Variants in SSU72 observed in about 807,000 individuals in gnomAD.
SSU72 encodes the protein SSU72 homolog, RNA polymerase II CTD phosphatase.
A neutral mutation model predicts 22.7 loss-of-function variants in SSU72; 12 were observed. The observed-to-expected ratio is 0.53, with a 90% CI of 0.34 to 0.86. SSU72 has a LOEUF of 0.86. Among genes scored for constraint, SSU72 ranks in the 40% least tolerant of loss-of-function variants. SSU72 has a pLI of 0.02. For synonymous variants in SSU72, 116 were observed against 98.3 expected, an observed-to-expected ratio of 1.18 and a Z score of -1.06; for missense variants, 151 against 249.8, an observed-to-expected ratio of 0.60 and a Z score of 2.67.
intron 1 of SSU72, among the ~76,000 whole-genome samples, chr1:1,571,794 A>ATT (rs71578326): frequency 5.4e-4 from 81 of 149,272 alleles, no homozygotes; most frequent in African/African-American, 1.5e-3. Flanking sequence ...TAGCTAAATA[A>ATT]TTTTTTTTTT....
At chr1:1,552,368 C>G (rs1038658194) in intron 2 of SSU72, among the ~76,000 whole-genome samples, 1 of 152,256 alleles carries the variant, frequency 6.6e-6, no homozygotes, top group East Asian at 1.9e-4. Context: ...TCCTTAGGGA[C>G]CGGGAGGTGC....
chr1:1,555,695 AC>A (rs1237115396), intron 2 of SSU72, among the ~76,000 whole-genome samples: 2 of 152,208 alleles, frequency 1.3e-5, no homozygotes, highest in Admixed American at 6.5e-5. Flanking sequence ...TTCCATGTCA[AC>A]GTATCAAGAA....
intron 2 of SSU72, among the ~76,000 whole-genome samples, chr1:1,560,491 T>A (rs1642575684): frequency 6.6e-6 from 1 of 152,056 alleles, no homozygotes. Flanking sequence ...ACCCTGACAA[T>A]CCCCAAGGGA....
intron 2 of SSU72, chr1:1,564,500 G>T: frequency 2.0e-6 from 3 of 1,504,368 alleles, no homozygotes; most frequent in Non-Finnish European, 1.8e-6. Context: ...AGCATCCCTG[G>T]TCTACGCTAT....
At chr1:1,571,929 G>A (rs965805511) in intron 1 of SSU72, among the ~76,000 whole-genome samples, 3 of 151,392 alleles carry the variant, frequency 2.0e-5, no homozygotes, top group African/African-American at 7.3e-5. Context: ...TGAGCAGCTG[G>A]GACTACAGGC....
rs1642789788 is a variant in SSU72 at position 1,574,683 on chromosome 1, G to A, written c.-126C>T. 10 of 961,384 alleles carry A rather than the reference G, an allele frequency of 1.0e-5. No individual in the cohort carries two copies. Among genetic ancestry groups the A allele is most frequent in the East Asian group, 3.4e-5 (1 of 29,364 alleles). The allele number at this position is 961,384 out of a possible 1,614,324, so 59.6% of individuals were successfully genotyped here. ...GACGCGAAACGACGGCGCCGGCGGT[G>A]TAGCGTGCGGCGACTGCGCGGCGGC... On this transcript the variant is annotated 5_prime_UTR_variant, in exon 1 of 5. Transcript: ENST00000291386.
chr1:1,543,043 T>C (rs1157343565), intron 4 of SSU72, among the ~76,000 whole-genome samples: 1 of 152,234 alleles, frequency 6.6e-6, no homozygotes, highest in Non-Finnish European at 1.5e-5. Flanking sequence ...CAGACATTCA[T>C]CAAATCACAG....
At chr1:1,566,101 A>T (rs1642657762) in intron 1 of SSU72, among the ~76,000 whole-genome samples, 1 of 131,720 alleles carries the variant, frequency 7.6e-6, no homozygotes. Flanking sequence ...GTTTCTACTA[A>T]AAAAAAAAAA....
intron 1 of SSU72, among the ~76,000 whole-genome samples, chr1:1,572,336 G>A (rs1176859602): frequency 6.8e-6 from 1 of 146,514 alleles, no homozygotes; most frequent in Admixed American, 6.8e-5. Context: ...GCTGAGGCAG[G>A]AGAATAGTGT....
intron 1 of SSU72, among the ~76,000 whole-genome samples, chr1:1,565,680 A>AGGGG (rs1368696312): frequency 6.7e-6 from 1 of 149,274 alleles, no homozygotes; most frequent in Non-Finnish European, 1.5e-5. Flanking sequence ...CCACAGGCTC[A>AGGGG]GGGTTGCTGC....
intron 2 of SSU72, among the ~76,000 whole-genome samples, chr1:1,560,423 C>T (rs1034090539): frequency 1.3e-5 from 2 of 152,188 alleles, no homozygotes; most frequent in African/African-American, 2.4e-5. Context: ...GAACTGCAGG[C>T]GTGGCTCGTC....
chr1:1,574,859 G>C lies in SSU72; in HGVS notation c.-302C>G, dbSNP rs980199169. 8.3e-6 allele frequency: 3 copies of C among 360,520 alleles called. No individual in the cohort carries two copies. The highest frequency in any genetic ancestry group is 6.4e-5 in the African/African-American group (3 of 46,598). The allele number at this position is 360,520 out of a possible 1,614,324, so 22.3% of individuals were successfully genotyped here. ...CGCACTCCACAAGGCCCGGCTGAGC[G>C]TCACGGCGCCAAGCGGCGGCGTCCT... On this transcript the variant is annotated 5_prime_UTR_variant, in exon 1 of 5. Coordinates refer to ENST00000291386, the MANE Select transcript of SSU72 (RefSeq NM_014188.3).
intron 1 of SSU72, among the ~76,000 whole-genome samples, chr1:1,568,689 CGGA>C (rs1418942206): frequency 6.6e-6 from 1 of 151,702 alleles, no homozygotes; most frequent in Non-Finnish European, 1.5e-5. Flanking sequence ...CTTTGGGAGG[CGGA>C]GGAGGACGGA....
In SSU72 at chr1:1,559,980, C is replaced by T. The variant is rs540702868; in HGVS notation, c.224+4793G>A. Reference sequence around the variant, plus strand: ...CCTTGGGTGATCCGCCCACCTCGGCCTCCCAAAGTGCTGGGATTACAGGCA... The same window carrying T: ...CCTTGGGTGATCCGCCCACCTCGGCTTCCCAAAGTGCTGGGATTACAGGCA... On this transcript the variant is annotated intron_variant, in intron 2 of 4. Coordinates refer to ENST00000291386, the MANE Select transcript of SSU72 (RefSeq NM_014188.3). Among the ~76,000 whole-genome samples the T allele has an allele frequency of 1.8e-4, 28 of 152,178 alleles. 1 individual carries two copies. The highest frequency in any genetic ancestry group is 7.3e-5 in the Non-Finnish European group (5 of 68,028).
In SSU72 at chr1:1,550,173, CAAA is replaced by C. The variant is rs1169411955; in HGVS notation, c.225-5174_225-5172del. On this transcript the variant is annotated intron_variant, in intron 2 of 4. Transcript: ENST00000291386. ...AGCCTGAGACAGAGCGAGAGTGTCT[CAAA>C]AAAAAAAAAAAAAAAGTATATATAT... Among the ~76,000 whole-genome samples the C allele has an allele frequency of 9.2e-3, 730 of 79,370 alleles. 10 individuals carry two copies. The highest frequency in any genetic ancestry group is 0.029 in the African/African-American group (673 of 23,568). The allele number at this position is 79,370 out of a possible 152,430, so 52.1% of individuals were successfully genotyped here.
At chr1:1,556,465 C>T (rs965758022) in intron 2 of SSU72, among the ~76,000 whole-genome samples, 3 of 152,030 alleles carry the variant, frequency 2.0e-5, no homozygotes, top group African/African-American at 7.2e-5. Context: ...CGCTTGAACC[C>T]AGGAAGTGGA....
chr1:1,574,428 G>A (rs1290537995), intron 1 of SSU72, 50 bp downstream of exon 1: 2 of 1,543,480 alleles, frequency 1.3e-6, no homozygotes, highest in Non-Finnish European at 1.8e-6. Context: ...GGAGGAGGGA[G>A]GGCCGGTCGC....
intron 1 of SSU72, among the ~76,000 whole-genome samples, chr1:1,571,753 G>A (rs1290942125): frequency 6.6e-6 from 1 of 151,806 alleles, no homozygotes; most frequent in Non-Finnish European, 1.5e-5. Context: ...TGTCTTTAAA[G>A]TAGCCGCTAA....
At chr1:1,548,584 G>A (rs1002917639) in intron 2 of SSU72, among the ~76,000 whole-genome samples, 3 of 150,996 alleles carry the variant, frequency 2.0e-5, no homozygotes, top group African/African-American at 7.3e-5. Context: ...AAACTCCCAA[G>A]GATGGGCCAA....
Sources: gnomAD v4.1 joint callset for allele counts (sites outside exome capture counted in the v4.1 genomes callset) on GRCh38, gnomAD v4.1.1 for gene constraint, MANE v1.5 for transcripts, NCBI Gene and HGNC (gene_info 2026-07-23, HGNC 2026-07-21) for gene names.